The following SNCAIP variants were observed in gnomAD, a reference collection of about 807,000 sequenced individuals.
SNCAIP encodes the protein synphilin-1.
Under a neutral mutation model 86.7 loss-of-function variants are expected in SNCAIP, and 43 were observed. That is an observed-to-expected ratio of 0.50 (90% CI 0.39 to 0.64). The LOEUF (loss-of-function observed/expected upper bound fraction) is 0.64. SNCAIP is among the 30% of genes least tolerant of loss of function. The pLI is 0.00. For synonymous variants in SNCAIP, 417 were observed against 427.2 expected (o/e 0.98, Z 0.29); for missense variants, 981 against 1,103.1 (o/e 0.89, Z 1.57).
intron 1 of SNCAIP, among the ~76,000 whole-genome samples, chr5:122,377,301 T>G (rs1256558327): frequency 6.6e-6 from 1 of 152,170 alleles, no homozygotes; most frequent in African/African-American, 2.4e-5. Flanking sequence ...CACTCAGAAC[T>G]GAATACAATA....
chr5:122,444,056 C>T (rs1389108507), intron 7 of SNCAIP: 1 of 456,700 alleles, frequency 2.2e-6, no homozygotes, highest in Non-Finnish European at 4.4e-6. Flanking sequence ...TCACAGCCTC[C>T]CCACTCTCAG....
intron 1 of SNCAIP, among the ~76,000 whole-genome samples, chr5:122,316,885 A>G (rs995903623): frequency 2.6e-5 from 4 of 152,218 alleles, no homozygotes; most frequent in Non-Finnish European, 4.4e-5. Context: ...GCTTCACACA[A>G]TTAGTCTGAA....
intron 6 of SNCAIP, among the ~76,000 whole-genome samples, chr5:122,435,834 T>C (rs548800922): frequency 1.5e-4 from 23 of 152,284 alleles, no homozygotes; most frequent in African/African-American, 5.3e-4. Flanking sequence ...TGTTTTGCTG[T>C]CATAGGGAAG....
rs182380995 is a variant in SNCAIP at position 122,459,588 on chromosome 5, A to T, written c.2755-3903A>T. On this transcript the variant is annotated intron_variant, in intron 10 of 10. Coordinates refer to ENST00000261368, the MANE Select transcript of SNCAIP (RefSeq NM_005460.4). ...TGATATTTTTCAGATAAATGCCTCA[A>T]GTTAATATTTTACTTGGTACAGACT... is the stretch of plus-strand genomic sequence containing the variant. Among the ~76,000 whole-genome samples the T allele has an allele frequency of 2.0e-5, 3 of 152,322 alleles. No individual in the cohort carries two copies. In the East Asian group the frequency reaches 5.8e-4, roughly 29 times the overall value.
rs144025882 is a variant in SNCAIP at position 122,376,914 on chromosome 5, C to T, written c.-46-14175C>T. ...CGCAAAATCTTTTCAGCTGGGAGGC[C>T]GTCTATTCCTCCTTCACAATGCAGG... On this transcript the variant is annotated intron_variant, in intron 1 of 10. Coordinates refer to ENST00000261368, the MANE Select transcript of SNCAIP (RefSeq NM_005460.4). 1.3e-3 allele frequency among the ~76,000 whole-genome samples: 202 copies of T among 152,218 alleles called. 2 individuals carry two copies. The highest frequency in any genetic ancestry group is 4.7e-3 in the African/African-American group (194 of 41,542).
chr5:122,340,128 C>A (rs1364613166), intron 1 of SNCAIP, among the ~76,000 whole-genome samples: 1 of 152,164 alleles, frequency 6.6e-6, no homozygotes, highest in African/African-American at 2.4e-5. Flanking sequence ...ACAAAACCGA[C>A]TTAGAATTGG....
chr5:122,427,862 T>C (rs1777658992), intron 5 of SNCAIP, among the ~76,000 whole-genome samples: 1 of 152,098 alleles, frequency 6.6e-6, no homozygotes, highest in Non-Finnish European at 1.5e-5. Flanking sequence ...GGCTTTGAAG[T>C]CATATCAGGA....
intron 10 of SNCAIP, among the ~76,000 whole-genome samples, chr5:122,459,354 A>G (rs568594467): frequency 2.0e-5 from 3 of 152,218 alleles, no homozygotes; most frequent in Non-Finnish European, 2.9e-5. Flanking sequence ...TCAGCAAGTT[A>G]GAACACTTGA....
Position 122,444,595 on chromosome 5 carries a change from G to A in SNCAIP, c.1455G>A (p.Met485Ile), listed in dbSNP as rs200012497. The part of the protein sequence containing the change: ...TLVEYGANVT[M>I]QNHAGEKPSQ... Reference sequence around the variant, plus strand: ...TTGAATATGGAGCAAATGTCACCATGCAGAACCACGCTGGGGAAAAGCCCT... The same window carrying A: ...TTGAATATGGAGCAAATGTCACCATACAGAACCACGCTGGGGAAAAGCCCT... The change falls in exon 8 of 11, where the codon ATG (methionine) becomes ATA (isoleucine). Residue 485 changes from methionine (M) to isoleucine (I), a missense_variant. Transcript: ENST00000261368. 2 of 1,614,164 alleles carry A rather than the reference G, an allele frequency of 1.2e-6. No individual in the cohort carries two copies. The highest frequency in any genetic ancestry group is 1.7e-5 in the Admixed American group (1 of 60,024).
At chr5:122,348,580 G>T (rs1009819614) in intron 1 of SNCAIP, among the ~76,000 whole-genome samples, 1 of 152,110 alleles carries the variant, frequency 6.6e-6, no homozygotes, top group Non-Finnish European at 1.5e-5. Flanking sequence ...TATGCATAGT[G>T]TACATACAAC....
At chr5:122,343,354 T>C (rs1421048423) in intron 1 of SNCAIP, among the ~76,000 whole-genome samples, 1 of 152,240 alleles carries the variant, frequency 6.6e-6, no homozygotes, top group Non-Finnish European at 1.5e-5. Context: ...CAACACATCA[T>C]TTGAGTTGGA....
intron 1 of SNCAIP, among the ~76,000 whole-genome samples, chr5:122,361,927 T>C (rs1451401477): frequency 6.6e-6 from 1 of 152,214 alleles, no homozygotes; most frequent in Non-Finnish European, 1.5e-5. Flanking sequence ...GAAAGAATGA[T>C]CCATTTTCTA....
intron 1 of SNCAIP, among the ~76,000 whole-genome samples, chr5:122,326,997 A>T (rs1229051706): frequency 6.6e-6 from 1 of 151,370 alleles, no homozygotes; most frequent in Non-Finnish European, 1.5e-5. Flanking sequence ...TCCTTTCTGG[A>T]GGAGATACTA....
chr5:122,422,903 C>T lies in SNCAIP; in HGVS notation c.166C>T (p.Leu56Phe). Residue 56 changes from leucine (L) to phenylalanine (F), a missense_variant, in exon 4 of 11, where the codon CTT becomes TTT. Physicochemically the swap from Leu to Phe is conservative, Grantham distance 22 (BLOSUM62 0). Transcript: ENST00000261368. ...TAGCTGGAATTGTGGCATCTCAACT[C>T]TTATTACAAACACGCAAAAGCCCAC... ...SSSWNCGIST[L>F]ITNTQKPTGI... 1 of 1,614,028 alleles carries T rather than the reference C, an allele frequency of 6.2e-7. No individual in the cohort carries two copies. Among genetic ancestry groups the T allele is most frequent in the Non-Finnish European group, 8.5e-7 (1 of 1,179,898 alleles).
At chr5:122,401,218 A>G in intron 2 of SNCAIP, 1 of 1,260,442 alleles carries the variant, frequency 7.9e-7, no homozygotes, top group Admixed American at 2.6e-5. Context: ...CAGCTCCCAG[A>G]TGGTAGCACA....
At chr5:122,456,947 A>G (rs1009283586) in intron 10 of SNCAIP, among the ~76,000 whole-genome samples, 1 of 152,214 alleles carries the variant, frequency 6.6e-6, no homozygotes, top group Admixed American at 6.5e-5. Context: ...GCTTAACACT[A>G]TAGACATTTG....
chr5:122,427,096 T>C (rs866444836), intron 5 of SNCAIP, among the ~76,000 whole-genome samples: 22 of 152,198 alleles, frequency 1.4e-4, no homozygotes, highest in African/African-American at 5.3e-4. Flanking sequence ...CCTTGCTGTT[T>C]TAGTGTTTAT....
Position 122,451,447 on chromosome 5 carries a change from T to C in SNCAIP, c.2600T>C (p.Ile867Thr), listed in dbSNP as rs757253242. 2 of 1,614,046 alleles carry C rather than the reference T, an allele frequency of 1.2e-6. No homozygotes were observed. Among genetic ancestry groups the C allele is most frequent in the Non-Finnish European group, 1.7e-6 (2 of 1,180,024 alleles). The change falls in exon 10 of 11, where the codon ATC becomes ACC. Residue 867 changes from isoleucine (I) to threonine (T), a missense_variant. Ile to Thr is a moderately conservative substitution (Grantham distance 89, BLOSUM62 -1). Coordinates refer to ENST00000261368, the MANE Select transcript of SNCAIP (RefSeq NM_005460.4). ...LKRPFGAFRS[I>T]METLSGNQNN... is the part of the protein sequence containing the mutation. ...AGGCCTTTTGGAGCCTTTCGATCTA[T>C]CATGGAGACACTAAGTGGCAACCAA... is the stretch of plus-strand genomic sequence containing the variant.
At chr5:122,461,159 C>A (rs979795673) in intron 10 of SNCAIP, among the ~76,000 whole-genome samples, 3 of 152,198 alleles carry the variant, frequency 2.0e-5, no homozygotes, top group African/African-American at 4.8e-5. Context: ...AAATTATTCT[C>A]TTTCAGAATC....
Sources: gnomAD v4.1 joint callset for allele counts (sites outside exome capture counted in the v4.1 genomes callset) on GRCh38, gnomAD v4.1.1 for gene constraint, MANE v1.5 for transcripts, NCBI Gene and HGNC (gene_info 2026-07-23, HGNC 2026-07-21) for gene names.